Variants in CNBD1 observed in about 807,000 individuals in gnomAD.
CNBD1 encodes cyclic nucleotide-binding domain-containing protein 1.
Under a neutral mutation model 54.4 loss-of-function variants are expected in CNBD1, and 71 were observed. The observed-to-expected ratio is 1.30, with a 90% CI of 1.08 to 1.59. CNBD1 has a LOEUF of 1.59. Among genes scored for constraint, CNBD1 ranks in the 40% most tolerant of loss-of-function variants. The pLI, the probability that CNBD1 is intolerant of heterozygous loss-of-function variation, is 0.00. For missense variants in CNBD1, 659 were observed against 518.0 expected, an observed-to-expected ratio of 1.27 and a Z score of -2.64; for synonymous variants, 182 against 170.7, an observed-to-expected ratio of 1.07 and a Z score of -0.51.
intron 8 of CNBD1, among the ~76,000 whole-genome samples, chr8:87,289,182 G>A (rs977994646): frequency 6.6e-6 from 1 of 152,024 alleles, no homozygotes; most frequent in African/African-American, 2.4e-5. Context: ...CAGTGGATAG[G>A]GTTTCAGAGG....
intron 4 of CNBD1, among the ~76,000 whole-genome samples, chr8:87,030,507 C>T (rs1809757260): frequency 6.6e-6 from 1 of 152,150 alleles, no homozygotes; most frequent in African/African-American, 2.4e-5. Flanking sequence ...TGCTCCTTTT[C>T]ACTCCTTTAT....
chr8:87,412,716 A>C (rs1401946200), intron 2 of CNBD1, among the ~76,000 whole-genome samples: 1 of 152,120 alleles, frequency 6.6e-6, no homozygotes, highest in Non-Finnish European at 1.5e-5. Flanking sequence ...GGAAAAACAT[A>C]GTCACAGGAG....
chr8:87,003,849 AT>A (rs1459458286), intron 4 of CNBD1, among the ~76,000 whole-genome samples: 1 of 152,076 alleles, frequency 6.6e-6, no homozygotes, highest in Non-Finnish European at 1.5e-5. Context: ...ACTGCAGGAG[AT>A]TGTACCTAAG....
chr8:87,255,626 C>T (rs1807994637), intron 6 of CNBD1, among the ~76,000 whole-genome samples: 1 of 150,416 alleles, frequency 6.6e-6, no homozygotes, highest in Non-Finnish European at 1.5e-5. Context: ...CAAATCTTTT[C>T]CTCAGTCATT....
intron 10 of CNBD1, among the ~76,000 whole-genome samples, chr8:87,373,339 G>A (rs1810858848): frequency 6.6e-6 from 1 of 151,734 alleles, no homozygotes; most frequent in African/African-American, 2.4e-5. Context: ...GAAATATATT[G>A]TTGACCCTAA....
At chr8:87,213,818 T>C (rs1433581561) in intron 5 of CNBD1, among the ~76,000 whole-genome samples, 1 of 152,178 alleles carries the variant, frequency 6.6e-6, no homozygotes, top group Non-Finnish European at 1.5e-5. Context: ...CAAAGTCTCA[T>C]CTGAGACAAG....
At chr8:87,186,617 T>G (rs1296983377) in intron 4 of CNBD1, among the ~76,000 whole-genome samples, 3 of 152,100 alleles carry the variant, frequency 2.0e-5, no homozygotes, top group Non-Finnish European at 4.4e-5. Flanking sequence ...ATATCTTATT[T>G]TAATCAATGA....
chr8:86,891,713 G>A (rs1808771117), intron 2 of CNBD1, among the ~76,000 whole-genome samples: 1 of 151,966 alleles, frequency 6.6e-6, no homozygotes, highest in Non-Finnish European at 1.5e-5. Context: ...CTTCTAATCA[G>A]TGAACATGGA....
intron 4 of CNBD1, among the ~76,000 whole-genome samples, chr8:87,165,216 G>A (rs1361088760): frequency 6.6e-6 from 1 of 151,852 alleles, no homozygotes; most frequent in Non-Finnish European, 1.5e-5. Flanking sequence ...GTGCACTTAA[G>A]AAAAACATGT....
intron 4 of CNBD1, among the ~76,000 whole-genome samples, chr8:87,088,957 A>G (rs943624573): frequency 1.3e-5 from 2 of 152,212 alleles, no homozygotes; most frequent in African/African-American, 4.8e-5. Context: ...CTGTATGAGT[A>G]ATACCCAGTA....
At chr8:87,016,168 C>A (rs1809352795) in intron 4 of CNBD1, among the ~76,000 whole-genome samples, 1 of 151,528 alleles carries the variant, frequency 6.6e-6, no homozygotes, top group African/African-American at 2.4e-5. Flanking sequence ...TTTATATAAC[C>A]TTAGTAATCT....
chr8:87,135,352 ACTAC>A (rs1294780614), intron 4 of CNBD1, among the ~76,000 whole-genome samples: 2 of 151,806 alleles, frequency 1.3e-5, no homozygotes, highest in African/African-American at 4.8e-5. Context: ...CTATAAAATG[ACTAC>A]CTACTGAAAA....
chr8:86,980,517 A>G (rs1282446690), intron 4 of CNBD1, among the ~76,000 whole-genome samples: 1 of 152,234 alleles, frequency 6.6e-6, no homozygotes, highest in Non-Finnish European at 1.5e-5. Context: ...AGGTGAATAC[A>G]CAGTTTGATA....
intron 10 of CNBD1, among the ~76,000 whole-genome samples, chr8:87,363,543 C>T (rs1177728392): frequency 1.3e-5 from 2 of 152,130 alleles, no homozygotes; most frequent in Admixed American, 1.3e-4. Context: ...TAATGATTGC[C>T]ATTCTAACTG....
intron 6 of CNBD1, among the ~76,000 whole-genome samples, chr8:87,257,589 A>G (rs981707490): frequency 6.6e-6 from 1 of 151,996 alleles, no homozygotes; most frequent in African/African-American, 2.4e-5. Context: ...GGAATGCAGA[A>G]CCTTTAATAG....
intron 1 of CNBD1, among the ~76,000 whole-genome samples, chr8:86,876,467 GT>G (rs1213405129): frequency 6.6e-6 from 1 of 151,424 alleles, no homozygotes; most frequent in Admixed American, 6.6e-5. Flanking sequence ...TATTCTTTTT[GT>G]TTAGATATGC....
chr8:87,069,120 A>G (rs751292117), intron 4 of CNBD1, among the ~76,000 whole-genome samples: 2 of 152,172 alleles, frequency 1.3e-5, no homozygotes, highest in African/African-American at 4.8e-5. Context: ...GAATAAACAC[A>G]TCTCTGCTTT....
chr8:87,240,124 A>G (rs1252042155), intron 6 of CNBD1, among the ~76,000 whole-genome samples: 3 of 151,762 alleles, frequency 2.0e-5, no homozygotes, highest in South Asian at 4.2e-4. Context: ...ATGCACTTCT[A>G]TATTTCATAT....
At chr8:87,094,709 G>A (rs142360131) in intron 4 of CNBD1, among the ~76,000 whole-genome samples, 140 of 152,130 alleles carry the variant, frequency 9.2e-4, no homozygotes, top group Admixed American at 2.2e-3. Flanking sequence ...ATTATCAGGC[G>A]CCTTTGCCCA....
Sources: allele counts gnomAD v4.1 joint callset (sites outside exome capture counted in the v4.1 genomes callset), GRCh38; gene constraint gnomAD v4.1.1; transcripts MANE v1.5; gene names NCBI Gene and HGNC (gene_info 2026-07-23, HGNC 2026-07-21).